GRB2: variants seen among roughly 807,000 people sequenced by gnomAD.
GRB2 encodes growth factor receptor bound protein 2, also known as growth factor receptor-bound protein 2.
GRB2 carries 2 observed loss-of-function variants against 27.4 expected under a neutral mutation model. The ratio of observed to expected loss-of-function variants is 0.07; its 90% CI spans 0.03 to 0.23. The LOEUF (loss-of-function observed/expected upper bound fraction) is 0.23. Among genes scored for constraint, GRB2 ranks in the 10% least tolerant of loss-of-function variants. The pLI, the probability that GRB2 is intolerant of heterozygous loss-of-function variation, is 1.00. For missense variants in GRB2, 102 were observed against 282.4 expected (o/e 0.36, Z 4.58); for synonymous variants, 94 against 99.6 (o/e 0.94, Z 0.33).
chr17:75,332,656 G>A, intron 3 of GRB2, 44 bp downstream of exon 3: 2 of 1,066,022 alleles, frequency 1.9e-6, no homozygotes, highest in Non-Finnish European at 2.9e-6. Context: ...TTTGAAACAA[G>A]GAGGTGGGTC....
At chr17:75,397,985 G>A (rs1219915765) in intron 1 of GRB2, among the ~76,000 whole-genome samples, 1 of 151,714 alleles carries the variant, frequency 6.6e-6, no homozygotes, top group Non-Finnish European at 1.5e-5. Context: ...GGGACTACAG[G>A]TGCGCGCCAC....
rs1329219020 is a variant in GRB2, at chr17:75,346,388, C to CG, written c.79-13592dup. On this transcript the variant is annotated intron_variant, in intron 2 of 5. Transcript: ENST00000316804. ...GCGGGCGCCTGTAGTCCCAGCTACT[C>CG]GGGGGGCTGAGGCAGGAGAATCGCT... Among the ~76,000 whole-genome samples the CG allele has an allele frequency of 9.2e-5, 14 of 151,660 alleles. No homozygotes were observed. In the East Asian group the frequency reaches 2.4e-3, roughly 26 times the overall value.
intron 1 of GRB2, among the ~76,000 whole-genome samples, chr17:75,398,577 T>C (rs900866975): frequency 6.6e-6 from 1 of 151,972 alleles, no homozygotes; most frequent in Non-Finnish European, 1.5e-5. Context: ...CTTTTTACCC[T>C]ACCCGGTGTC....
intron 2 of GRB2, among the ~76,000 whole-genome samples, chr17:75,384,834 G>A (rs1410218069): frequency 1.3e-5 from 2 of 151,746 alleles, no homozygotes; most frequent in African/African-American, 4.8e-5. Flanking sequence ...GATAAAAAAA[G>A]AGGAAAAGAC....
intron 2 of GRB2, among the ~76,000 whole-genome samples, chr17:75,348,798 C>T (rs2078670471): frequency 6.6e-6 from 1 of 152,202 alleles, no homozygotes; most frequent in African/African-American, 2.4e-5. Flanking sequence ...ACCTCAGTCT[C>T]CTGAGTAGCT....
At chr17:75,331,996 C>G (rs1156502162) in intron 3 of GRB2, among the ~76,000 whole-genome samples, 1 of 152,080 alleles carries the variant, frequency 6.6e-6, no homozygotes, top group Non-Finnish European at 1.5e-5. Flanking sequence ...CTAGTCTGAG[C>G]GTGGAAAGCC....
chr17:75,363,527 C>T (rs2078798849), intron 2 of GRB2, among the ~76,000 whole-genome samples: 1 of 152,134 alleles, frequency 6.6e-6, no homozygotes, highest in African/African-American at 2.4e-5. Flanking sequence ...AAGTCTCACG[C>T]TTATTAAATC....
intron 1 of GRB2, among the ~76,000 whole-genome samples, chr17:75,398,709 T>C (rs1193944064): frequency 6.6e-6 from 1 of 152,194 alleles, no homozygotes; most frequent in Non-Finnish European, 1.5e-5. Flanking sequence ...CTCAATCTTT[T>C]TGGTGAGTTC....
intron 2 of GRB2, among the ~76,000 whole-genome samples, chr17:75,355,171 T>C (rs1465241512): frequency 6.6e-6 from 1 of 152,232 alleles, no homozygotes; most frequent in Admixed American, 6.5e-5. Flanking sequence ...AGGTGCTGAA[T>C]CCCATCTCTT....
At chr17:75,376,310 A>C (rs2145859147) in intron 2 of GRB2, among the ~76,000 whole-genome samples, 1 of 133,302 alleles carries the variant, frequency 7.5e-6, no homozygotes, top group South Asian at 2.5e-4. Context: ...GTGCCACTGC[A>C]CTCCAGCCTG....
chr17:75,354,646 G>C (rs2078718964), intron 2 of GRB2, among the ~76,000 whole-genome samples: 1 of 152,168 alleles, frequency 6.6e-6, no homozygotes, highest in African/African-American at 2.4e-5. Flanking sequence ...GTCCCTGGTA[G>C]CAAAAAGGTT....
intron 1 of GRB2, among the ~76,000 whole-genome samples, chr17:75,402,221 T>C (rs1340092062): frequency 1.3e-5 from 2 of 152,176 alleles, no homozygotes; most frequent in Admixed American, 1.3e-4. Context: ...AACAGTTATA[T>C]GGGTACTGGA....
intron 2 of GRB2, among the ~76,000 whole-genome samples, chr17:75,379,409 AAAAAAG>A (rs1046148376): frequency 1.3e-3 from 100 of 76,304 alleles, no homozygotes; most frequent in Admixed American, 2.0e-3. Context: ...TTAAAAAAAA[AAAAAAG>A]AAAGACAGGG....
chr17:75,403,906 G>A (rs1192585151), intron 1 of GRB2, among the ~76,000 whole-genome samples: 2 of 152,184 alleles, frequency 1.3e-5, no homozygotes, highest in Non-Finnish European at 2.9e-5. Flanking sequence ...CTGAGGTCAA[G>A]AGTTCAAGAC....
At position 75,351,556 on chromosome 17, in the gene GRB2, A is replaced by T. The variant is rs2078692385; in HGVS notation, c.79-18759T>A. Reference sequence around the variant, plus strand: ...GTAGTCCCAGCTACTCTGAGACTACAGTGGGAGGATCAGTTGAGCCTGGAA... The same window carrying T: ...GTAGTCCCAGCTACTCTGAGACTACTGTGGGAGGATCAGTTGAGCCTGGAA... On this transcript the variant is annotated intron_variant, in intron 2 of 5. Coordinates refer to ENST00000316804, the MANE Select transcript of GRB2 (RefSeq NM_002086.5). 2.0e-5 allele frequency among the ~76,000 whole-genome samples: 3 copies of T among 152,100 alleles called. 1 individual carries two copies. The South Asian group carries it at 6.2e-4, about 32-fold the overall frequency.
chr17:75,375,418 T>C (rs781318437), intron 2 of GRB2, among the ~76,000 whole-genome samples: 3 of 150,102 alleles, frequency 2.0e-5, no homozygotes, highest in South Asian at 2.1e-4. Context: ...AATTAACCAA[T>C]AGATCTAACA....
At chr17:75,352,223 C>T (rs1021806804) in intron 2 of GRB2, among the ~76,000 whole-genome samples, 3 of 152,184 alleles carry the variant, frequency 2.0e-5, no homozygotes, top group African/African-American at 7.2e-5. Context: ...AGCCGCAGCA[C>T]AGCCCCTGCT....
intron 3 of GRB2, among the ~76,000 whole-genome samples, chr17:75,331,509 G>A (rs936743414): frequency 2.0e-5 from 3 of 152,190 alleles, no homozygotes; most frequent in Admixed American, 2.0e-4. Flanking sequence ...TCGAGCCACA[G>A]GCATGTCATA....
At chr17:75,347,191 C>T (rs1188134332) in intron 2 of GRB2, among the ~76,000 whole-genome samples, 3 of 152,110 alleles carry the variant, frequency 2.0e-5, no homozygotes, top group African/African-American at 7.2e-5. Flanking sequence ...ACACTGATAG[C>T]GGCAGGAGGC....
Sources: gnomAD v4.1 joint callset for allele counts (sites outside exome capture counted in the v4.1 genomes callset) on GRCh38, gnomAD v4.1.1 for gene constraint, MANE v1.5 for transcripts, NCBI Gene and HGNC (gene_info 2026-07-23, HGNC 2026-07-21) for gene names.